The following MYBL2 variants were observed in gnomAD, a reference collection of about 807,000 sequenced individuals.
MYBL2 encodes the protein myb-related protein B.
A neutral mutation model predicts 79.9 loss-of-function variants in MYBL2; 28 were observed. The observed-to-expected ratio is 0.35, with a 90% confidence interval of 0.26 to 0.48. The LOEUF (loss-of-function observed/expected upper bound fraction) is 0.48. Among genes scored for constraint, MYBL2 ranks in the 20% least tolerant of loss-of-function variants. The pLI is 0.99. For missense variants in MYBL2, 735 were observed against 893.9 expected, an observed-to-expected ratio of 0.82 and a Z score of 2.27; for synonymous variants, 378 against 361.2, an observed-to-expected ratio of 1.05 and a Z score of -0.53.
chr20:43,670,991 C>T (rs1986841885), intron 1 of MYBL2, among the ~76,000 whole-genome samples: 1 of 138,626 alleles, frequency 7.2e-6, no homozygotes. Flanking sequence ...TTTTTTGAGA[C>T]GGAGTCTCCC....
At chr20:43,673,137 T>A (rs1254984902) in intron 1 of MYBL2, among the ~76,000 whole-genome samples, 1 of 151,776 alleles carries the variant, frequency 6.6e-6, no homozygotes, top group African/African-American at 2.4e-5. Context: ...AGAGATGGGG[T>A]TTCACTGTGT....
At chr20:43,715,684 G>A (rs1459731573) in intron 13 of MYBL2, among the ~76,000 whole-genome samples, 5 of 152,240 alleles carry the variant, frequency 3.3e-5, no homozygotes, top group East Asian at 3.9e-4. Context: ...CTTCTCACCC[G>A]CCTCCTGGCT....
At chr20:43,715,570 G>T (rs1207341782) in intron 13 of MYBL2, among the ~76,000 whole-genome samples, 1 of 152,134 alleles carries the variant, frequency 6.6e-6, no homozygotes, top group Non-Finnish European at 1.5e-5. Flanking sequence ...TTGTGGCCTG[G>T]GTTTCACTTG....
chr20:43,690,164 C>G (rs74480906), intron 5 of MYBL2, among the ~76,000 whole-genome samples: 1,770 of 150,172 alleles, frequency 0.012, 17 homozygotes, highest in African/African-American at 0.029. Context: ...GGGGCATCTT[C>G]GGTTGTGCCT....
chr20:43,695,989 G>C (rs12480472), intron 6 of MYBL2, among the ~76,000 whole-genome samples: 2 of 151,982 alleles, frequency 1.3e-5, no homozygotes, highest in Non-Finnish European at 2.9e-5. Context: ...CTGCACTCCA[G>C]CCTTGGGTGA....
chr20:43,693,182 C>T (rs1169424049), intron 6 of MYBL2, among the ~76,000 whole-genome samples: 2 of 152,028 alleles, frequency 1.3e-5, no homozygotes, highest in Non-Finnish European at 2.9e-5. Context: ...CAGGCATGCA[C>T]CACCACGCCT....
intron 1 of MYBL2, among the ~76,000 whole-genome samples, chr20:43,670,016 A>AGTTTT (rs1297095367): frequency 6.6e-6 from 1 of 152,200 alleles, no homozygotes; most frequent in Non-Finnish European, 1.5e-5. Flanking sequence ...AGGCAGGAGA[A>AGTTTT]TTCACTTGAA....
rs536998533 is a variant in MYBL2, at chr20:43,694,245, T to G, written c.663+1926T>G. ...TACCCAGGAGGCTGAGGCAGGAGAA[T>G]GGCGTGAACCCGGGAGGCAGAGCTT... On this transcript the variant is annotated intron_variant, in intron 6 of 13. Coordinates refer to ENST00000217026, the MANE Select transcript of MYBL2 (RefSeq NM_002466.4). Among the ~76,000 whole-genome samples the G allele has an allele frequency of 1.6e-4, 24 of 152,014 alleles. No individual in the cohort carries two copies. The East Asian group carries it at 4.3e-3, about 27-fold the overall frequency.
At chr20:43,687,448 A>C (rs1987303673) in intron 5 of MYBL2, among the ~76,000 whole-genome samples, 1 of 152,234 alleles carries the variant, frequency 6.6e-6, no homozygotes, top group South Asian at 2.1e-4. Flanking sequence ...CTTTAAGAAG[A>C]AAATGATCAA....
chr20:43,692,457 T>A, intron 6 of MYBL2, 138 bp downstream of exon 6: 1 of 1,040,620 alleles, frequency 9.6e-7, no homozygotes, highest in Non-Finnish European at 1.4e-6. Flanking sequence ...TGGGGCCTTG[T>A]GAGACTTCTG....
At chr20:43,695,835 C>T (rs1157477666) in intron 6 of MYBL2, among the ~76,000 whole-genome samples, 1 of 152,078 alleles carries the variant, frequency 6.6e-6, no homozygotes. Context: ...ATGGCTTACA[C>T]CTGTAATCTC....
chr20:43,710,184 A>T, intron 10 of MYBL2, 122 bp downstream of exon 10: 2 of 767,884 alleles, frequency 2.6e-6, no homozygotes. Context: ...TCCTGAGAAG[A>T]TGCAGAGATC....
intron 6 of MYBL2, among the ~76,000 whole-genome samples, chr20:43,692,890 A>G (rs992449895): frequency 1.3e-5 from 2 of 152,346 alleles, no homozygotes; most frequent in African/African-American, 4.8e-5. Flanking sequence ...AAGGTATACA[A>G]CAGTCCCATC....
Position 43,673,824 on chromosome 20 carries a change from G to A in MYBL2, c.39G>A (p.Leu13=). Residue 13 remains leucine (L), a synonymous_variant, in exon 2 of 14, where the codon CTG becomes CTA. Coordinates refer to ENST00000217026, the MANE Select transcript of MYBL2 (RefSeq NM_002466.4). The stretch of plus-strand genomic sequence containing the variant: ...CCCATAGCGAGGATCTGGATGAGCT[G>A]CACTACCAGGACACAGATTCAGATG... ...RRTRCEDLDE[L]HYQDTDSDVP... 2.6e-6 allele frequency: 4 copies of A among 1,563,482 alleles called. No individual in the cohort carries two copies. Among genetic ancestry groups the A allele is most frequent in the Non-Finnish European group, 2.6e-6 (3 of 1,152,700 alleles).
At chr20:43,677,318 C>T (rs1029364305) in intron 2 of MYBL2, among the ~76,000 whole-genome samples, 2 of 152,172 alleles carry the variant, frequency 1.3e-5, no homozygotes, top group East Asian at 3.8e-4. Context: ...TCTGTTGGTG[C>T]TCACTGTTGT....
chr20:43,712,634 C>G (rs1156543946), intron 11 of MYBL2, among the ~76,000 whole-genome samples: 1 of 152,154 alleles, frequency 6.6e-6, no homozygotes, highest in African/African-American at 2.4e-5. Context: ...TATTACTGGC[C>G]TGTGGGTGCT....
intron 9 of MYBL2, among the ~76,000 whole-genome samples, chr20:43,709,026 C>T (rs1987848308): frequency 6.6e-6 from 1 of 152,202 alleles, no homozygotes. Context: ...AAAGAATGGT[C>T]TGCATTTGTT....
chr20:43,699,949 A>G lies in MYBL2; in HGVS notation c.856A>G (p.Thr286Ala). Residue 286 changes from threonine (T) to alanine (A), a missense_variant, in exon 7 of 14, where the codon ACG becomes GCG. Physicochemically the swap from Thr to Ala is moderately conservative, Grantham distance 58 (BLOSUM62 0). Transcript: ENST00000217026. The stretch of plus-strand genomic sequence containing the variant: ...GGACCAGGAAGGCTCCCCACCAGAA[A>G]CGAGCCTGCCTTACAAGTGGGTGGT... ...REDQEGSPPE[T>A]SLPYKWVVEA... is the part of the protein sequence containing the mutation. The G allele has an allele frequency of 6.2e-7, 1 of 1,614,078 alleles. No homozygotes were observed. The highest frequency in any genetic ancestry group is 1.6e-4 in the Middle Eastern group (1 of 6,062).
chr20:43,692,109 C>A, intron 5 of MYBL2, 48 bp from the exon 6 acceptor site: 5 of 1,593,866 alleles, frequency 3.1e-6, no homozygotes, highest in Non-Finnish European at 4.3e-6. Context: ...CCTGATGGCA[C>A]CCCACCCACA....
Sources: allele counts gnomAD v4.1 joint callset (sites outside exome capture counted in the v4.1 genomes callset), GRCh38; gene constraint gnomAD v4.1.1; transcripts MANE v1.5; gene names NCBI Gene and HGNC (gene_info 2026-07-23, HGNC 2026-07-21).